The following STX8 variants were observed in gnomAD, a reference collection of about 807,000 sequenced individuals.
STX8 encodes syntaxin-8.
A neutral mutation model predicts 37.5 loss-of-function variants in STX8; 23 were observed. The ratio of observed to expected loss-of-function variants is 0.61; its 90% CI spans 0.44 to 0.87. The LOEUF is 0.87. Among genes scored for constraint, STX8 ranks in the 40% least tolerant of loss-of-function variants. The pLI, the probability that STX8 is intolerant of heterozygous loss-of-function variation, is 0.00. For synonymous variants in STX8, 115 were observed against 99.1 expected (o/e 1.16, Z -0.95); for missense variants, 313 against 284.7 (o/e 1.10, Z -0.71).
intron 4 of STX8, among the ~76,000 whole-genome samples, chr17:9,506,991 T>C (rs1235073914): frequency 6.6e-6 from 1 of 151,940 alleles, no homozygotes; most frequent in African/African-American, 2.4e-5. Context: ...GCTGTGACTC[T>C]GGTCCTGCAA....
intron 6 of STX8, among the ~76,000 whole-genome samples, chr17:9,477,576 A>G (rs1906157089): frequency 1.3e-5 from 2 of 152,252 alleles, no homozygotes; most frequent in African/African-American, 4.8e-5. Context: ...CAGTGAGAAG[A>G]GCTGAGTAAT....
At chr17:9,333,136 C>T (rs1021960865) in intron 7 of STX8, among the ~76,000 whole-genome samples, 4 of 152,104 alleles carry the variant, frequency 2.6e-5, no homozygotes, top group African/African-American at 9.7e-5. Flanking sequence ...GGTACATATA[C>T]AGATTTGTCA....
chr17:9,406,630 A>C (rs1052717597), intron 6 of STX8, among the ~76,000 whole-genome samples: 33 of 152,342 alleles, frequency 2.2e-4, no homozygotes, highest in Middle Eastern at 3.4e-3. Flanking sequence ...TAACTTTGCA[A>C]GTAGATCTGT....
intron 7 of STX8, among the ~76,000 whole-genome samples, chr17:9,313,918 C>T (rs1003997491): frequency 6.6e-6 from 1 of 152,204 alleles, no homozygotes; most frequent in Non-Finnish European, 1.5e-5. Flanking sequence ...GCATGAGCCA[C>T]CGTGCCCAGC....
chr17:9,429,379 CAT>C (rs1042447883), intron 6 of STX8, among the ~76,000 whole-genome samples: 23 of 142,160 alleles, frequency 1.6e-4, no homozygotes, highest in Middle Eastern at 3.7e-3. Flanking sequence ...TTATATATAA[CAT>C]ATATTTATAT....
At chr17:9,495,309 G>A (rs967548930) in intron 5 of STX8, among the ~76,000 whole-genome samples, 5 of 152,078 alleles carry the variant, frequency 3.3e-5, no homozygotes, top group Non-Finnish European at 7.4e-5. Context: ...TGGCCTCCAA[G>A]ATAAATCCAT....
At chr17:9,293,686 C>A (rs545860677) in intron 7 of STX8, among the ~76,000 whole-genome samples, 1 of 152,064 alleles carries the variant, frequency 6.6e-6, no homozygotes, top group East Asian at 1.9e-4. Flanking sequence ...AGAACCGTGA[C>A]ATATATGTTA....
chr17:9,254,031 C>A (rs1906690616), intron 7 of STX8, among the ~76,000 whole-genome samples: 1 of 152,174 alleles, frequency 6.6e-6, no homozygotes, highest in Non-Finnish European at 1.5e-5. Context: ...GATGGAACTA[C>A]AGCAAGCTTT....
rs138722232 is a variant in STX8, at chr17:9,284,279, T to A, written c.644-33634A>T. Among the ~76,000 whole-genome samples the A allele has an allele frequency of 5.1e-3, 773 of 152,334 alleles. 7 individuals are homozygous for A. Among genetic ancestry groups the A allele is most frequent in the African/African-American group, 0.018 (738 of 41,572 alleles). ...TGGTTTGTCTCTAAGTTTTCCTTTT[T>A]TAAAAAATCAGCATCTTGCCTTGTG... On this transcript the variant is annotated intron_variant, in intron 7 of 7. Transcript: ENST00000306357.
chr17:9,512,843 T>G (rs1171759305), intron 4 of STX8, among the ~76,000 whole-genome samples: 1 of 152,178 alleles, frequency 6.6e-6, no homozygotes, highest in East Asian at 1.9e-4. Flanking sequence ...AGAATGAACC[T>G]GGACACCCAT....
At chr17:9,362,546 C>T (rs766270064) in intron 7 of STX8, among the ~76,000 whole-genome samples, 2 of 151,990 alleles carry the variant, frequency 1.3e-5, no homozygotes, top group African/African-American at 2.4e-5. Flanking sequence ...TGGCTGGGCG[C>T]GGTGGCTCAC....
chr17:9,496,458 T>C (rs977502942), intron 5 of STX8, among the ~76,000 whole-genome samples: 2 of 152,210 alleles, frequency 1.3e-5, no homozygotes, highest in Non-Finnish European at 2.9e-5. Context: ...ACCCAAGTCA[T>C]GATGATATCA....
At chr17:9,393,481 A>G (rs576638140) in intron 6 of STX8, among the ~76,000 whole-genome samples, 10 of 152,252 alleles carry the variant, frequency 6.6e-5, no homozygotes, top group Middle Eastern at 3.4e-3. Context: ...TGAAAACCAA[A>G]CTCATACTGT....
At chr17:9,284,940 C>T (rs567609897) in intron 7 of STX8, among the ~76,000 whole-genome samples, 1 of 152,216 alleles carries the variant, frequency 6.6e-6, no homozygotes, top group East Asian at 1.9e-4. Context: ...ATGGGTGGGG[C>T]TTGCTTTATT....
At chr17:9,434,489 C>T (rs1904356273) in intron 6 of STX8, among the ~76,000 whole-genome samples, 1 of 152,164 alleles carries the variant, frequency 6.6e-6, no homozygotes, top group South Asian at 2.1e-4. Flanking sequence ...GCCATAGTTC[C>T]AAGGCAGAGA....
intron 7 of STX8, among the ~76,000 whole-genome samples, chr17:9,252,523 C>T (rs567048719): frequency 1.6e-4 from 24 of 148,584 alleles, no homozygotes; most frequent in East Asian, 7.9e-4. Flanking sequence ...GCAAGAGAAT[C>T]GTTTGAACAC....
chr17:9,295,784 C>T (rs1379411117), intron 7 of STX8, among the ~76,000 whole-genome samples: 2 of 124,048 alleles, frequency 1.6e-5, no homozygotes, highest in Admixed American at 8.1e-5. Flanking sequence ...GTGGCTCATG[C>T]CTGTAATCCC....
At chr17:9,571,946 G>A (rs538528441) in intron 1 of STX8, among the ~76,000 whole-genome samples, 1 of 151,970 alleles carries the variant, frequency 6.6e-6, no homozygotes, top group South Asian at 2.1e-4. Flanking sequence ...GTGGAGGGTA[G>A]AGATGAAACA....
chr17:9,347,037 G>T (rs1241029200), intron 7 of STX8, among the ~76,000 whole-genome samples: 1 of 151,648 alleles, frequency 6.6e-6, no homozygotes, highest in Admixed American at 6.6e-5. Flanking sequence ...TGAGGCAGGA[G>T]AATCGCTTAA....
Sources: gnomAD v4.1 joint callset for allele counts (sites outside exome capture counted in the v4.1 genomes callset) on GRCh38, gnomAD v4.1.1 for gene constraint, MANE v1.5 for transcripts, NCBI Gene and HGNC (gene_info 2026-07-23, HGNC 2026-07-21) for gene names.